AGBL4: variants seen among roughly 807,000 people sequenced by gnomAD.
AGBL4 encodes the protein cytosolic carboxypeptidase 6.
AGBL4 carries 58 observed loss-of-function variants against 66.4 expected under a neutral mutation model. The observed-to-expected ratio is 0.87, with a 90% CI of 0.71 to 1.09. The LOEUF (loss-of-function observed/expected upper bound fraction) is 1.09, where lower values mean the gene tolerates loss of function less well. AGBL4 is among the 50% of genes least tolerant of loss of function. AGBL4 has a pLI of 0.00. For synonymous variants in AGBL4, 234 were observed against 222.9 expected (o/e 1.05, Z -0.44); for missense variants, 579 against 631.0 (o/e 0.92, Z 0.88).
intron 5 of AGBL4, among the ~76,000 whole-genome samples, chr1:48,880,198 T>C (rs993098993): frequency 6.6e-6 from 1 of 152,170 alleles, no homozygotes; most frequent in Admixed American, 6.6e-5. Context: ...CTACCACTTA[T>C]GAGTGAGAAC....
intron 1 of AGBL4, among the ~76,000 whole-genome samples, chr1:50,010,495 C>CACACACAA (rs1429259178): frequency 6.6e-6 from 1 of 151,120 alleles, no homozygotes; most frequent in Admixed American, 6.6e-5. Flanking sequence ...CACACACACA[C>CACACACAA]AACAGAGCCA....
At chr1:49,703,066 A>T (rs961744462) in intron 2 of AGBL4, among the ~76,000 whole-genome samples, 2 of 152,122 alleles carry the variant, frequency 1.3e-5, no homozygotes, top group Non-Finnish European at 2.9e-5. Context: ...TCTATTCAAA[A>T]TTGTTGTGGA....
At chr1:49,717,265 A>C (rs1235689572) in intron 2 of AGBL4, among the ~76,000 whole-genome samples, 4 of 152,142 alleles carry the variant, frequency 2.6e-5, no homozygotes, top group Non-Finnish European at 4.4e-5. Context: ...AATATCGTGA[A>C]AATGGCCATA....
At chr1:49,500,264 T>C (rs1648017334) in intron 3 of AGBL4, among the ~76,000 whole-genome samples, 1 of 152,110 alleles carries the variant, frequency 6.6e-6, no homozygotes, top group African/African-American at 2.4e-5. Context: ...TCCTTGTAGA[T>C]TCTGGATATT....
chr1:49,113,095 C>T (rs1018459730), intron 4 of AGBL4, among the ~76,000 whole-genome samples: 8 of 151,864 alleles, frequency 5.3e-5, no homozygotes, highest in African/African-American at 9.7e-5. Context: ...GGACTACAGG[C>T]GCCTGCCACC....
chr1:49,191,017 C>G (rs1196601422), intron 4 of AGBL4, among the ~76,000 whole-genome samples: 1 of 152,162 alleles, frequency 6.6e-6, no homozygotes, highest in Non-Finnish European at 1.5e-5. Flanking sequence ...TTTTGCTCAA[C>G]TAAATTTAGC....
At chr1:49,191,741 C>A (rs986771249) in intron 4 of AGBL4, among the ~76,000 whole-genome samples, 1 of 152,112 alleles carries the variant, frequency 6.6e-6, no homozygotes, top group Non-Finnish European at 1.5e-5. Context: ...CATTAATTTG[C>A]TTAGGAAAAC....
intron 1 of AGBL4, among the ~76,000 whole-genome samples, chr1:49,857,518 T>C (rs1646464967): frequency 6.6e-6 from 1 of 151,948 alleles, no homozygotes; most frequent in Admixed American, 6.6e-5. Context: ...TGTTAGTAAA[T>C]AAACAGATAC....
At chr1:49,339,845 T>G (rs984673244) in intron 3 of AGBL4, among the ~76,000 whole-genome samples, 15 of 152,226 alleles carry the variant, frequency 9.9e-5, no homozygotes, top group Middle Eastern at 3.2e-3. Flanking sequence ...CCTCACTCCC[T>G]CACTTACTGT....
chr1:49,603,595 AGTT>A (rs1292821489), intron 3 of AGBL4, among the ~76,000 whole-genome samples: 16 of 151,794 alleles, frequency 1.1e-4, no homozygotes, highest in Non-Finnish European at 2.1e-4. Context: ...GAAAGGGAAG[AGTT>A]TAAGGCCTCT....
At chr1:49,131,604 T>C (rs1645897214) in intron 4 of AGBL4, among the ~76,000 whole-genome samples, 1 of 151,978 alleles carries the variant, frequency 6.6e-6, no homozygotes, top group African/African-American at 2.4e-5. Context: ...TAATAGTGTG[T>C]TAAATGAACA....
chr1:48,893,789 C>A (rs1481394887), intron 5 of AGBL4, among the ~76,000 whole-genome samples: 1 of 152,178 alleles, frequency 6.6e-6, no homozygotes, highest in African/African-American at 2.4e-5. Context: ...CAGTAGTCTG[C>A]AACCTGAGAG....
At chr1:49,795,222 C>T (rs761606775) in intron 2 of AGBL4, among the ~76,000 whole-genome samples, 9 of 151,770 alleles carry the variant, frequency 5.9e-5, no homozygotes, top group Non-Finnish European at 1.2e-4. Flanking sequence ...AAGTACCATT[C>T]TAAAGTATAT....
At chr1:49,891,975 G>A (rs976312226) in intron 1 of AGBL4, among the ~76,000 whole-genome samples, 7 of 152,072 alleles carry the variant, frequency 4.6e-5, no homozygotes, top group South Asian at 2.1e-4. Context: ...TGGATAAGAC[G>A]GCAGCTGAGA....
intron 4 of AGBL4, among the ~76,000 whole-genome samples, chr1:49,129,810 G>A (rs1569733265): frequency 2.0e-5 from 3 of 152,094 alleles, no homozygotes; most frequent in African/African-American, 4.8e-5. Flanking sequence ...ATGATTTATA[G>A]TCCTTTGGGT....
the AGBL4 span, among the ~76,000 whole-genome samples, chr1:48,523,516 G>A: frequency 6.6e-6 from 1 of 152,194 alleles, no homozygotes; most frequent in African/African-American, 2.4e-5. Context: ...CTTAAATCCA[G>A]GCTCTGGGTT....
intron 9 of AGBL4, among the ~76,000 whole-genome samples, chr1:48,625,910 T>C (rs1187190440): frequency 6.6e-6 from 1 of 152,144 alleles, no homozygotes; most frequent in Non-Finnish European, 1.5e-5. Context: ...GTGGGAGAAA[T>C]TGCCCTTCAG....
intron 2 of AGBL4, among the ~76,000 whole-genome samples, chr1:49,759,437 G>A (rs890339719): frequency 1.3e-5 from 2 of 152,014 alleles, no homozygotes; most frequent in Admixed American, 6.6e-5. Context: ...CTGCCTAAGG[G>A]GAAACAATGA....
chr1:49,157,587 GTATA>G lies in AGBL4; in HGVS notation c.377+88179_377+88182del, dbSNP rs201520105. The stretch of plus-strand genomic sequence containing the variant: ...AGTAGAATGATTTATAATCCATTGG[GTATA>G]TACCCAGTAATGGGATTCCTGGGTC... On this transcript the variant is annotated intron_variant, in intron 4 of 13. Coordinates refer to ENST00000371839, the MANE Select transcript of AGBL4 (RefSeq NM_032785.4). Among the ~76,000 whole-genome samples, 7 of 152,258 alleles carry G rather than the reference GTATA, an allele frequency of 4.6e-5. No individual in the cohort carries two copies. In the East Asian group the frequency reaches 1.4e-3, roughly 29 times the overall value.
Sources: gnomAD v4.1 joint callset for allele counts (sites outside exome capture counted in the v4.1 genomes callset) on GRCh38, gnomAD v4.1.1 for gene constraint, MANE v1.5 for transcripts, NCBI Gene and HGNC (gene_info 2026-07-23, HGNC 2026-07-21) for gene names.